OOSP1: variants seen among roughly 807,000 people sequenced by gnomAD.
The protein encoded by OOSP1 is putative oocyte-secreted protein 1 homolog.
OOSP1 carries 11 observed loss-of-function variants against 5.7 expected under a neutral mutation model. That is an observed-to-expected ratio of 1.94 (90% CI 1.22 to 3.20). OOSP1 has a LOEUF of 3.20. Ranked by LOEUF, OOSP1 falls within the 30% of genes most tolerant of loss-of-function variation. The probability of loss-of-function intolerance (pLI) is 0.00; values close to 1 mark genes in which losing one functional copy is unlikely to be tolerated. For synonymous variants in OOSP1, 44 were observed against 20.0 expected (o/e 2.20, Z -3.20); for missense variants, 83 against 54.1 (o/e 1.53, Z -1.67).
chr11:59,955,224 A>G (rs911989967), intron 4 of OOSP1, among the ~76,000 whole-genome samples: 2 of 152,180 alleles, frequency 1.3e-5, no homozygotes, highest in African/African-American at 4.8e-5. Context: ...GAATGTGCTT[A>G]TTAAAGCATT....
chr11:59,944,765 G>A (rs564272102), intron 2 of OOSP1, among the ~76,000 whole-genome samples: 10 of 151,962 alleles, frequency 6.6e-5, no homozygotes, highest in Non-Finnish European at 1.2e-4. Flanking sequence ...GTTTAAACAC[G>A]GTTTCCAAGG....
At chr11:59,947,962 A>G (rs879538125) in intron 4 of OOSP1, 100 bp downstream of exon 4, 5 of 396,048 alleles carry the variant, frequency 1.3e-5, no homozygotes, top group Non-Finnish European at 2.2e-5. Context: ...ATTTGTGTTA[A>G]GGTGCATTGT....
chr11:59,945,690 G>A (rs1181449167), intron 3 of OOSP1, among the ~76,000 whole-genome samples: 1 of 137,476 alleles, frequency 7.3e-6, no homozygotes, highest in African/African-American at 2.7e-5. Flanking sequence ...GGCAGAGCTT[G>A]CAGTGAGCTG....
At chr11:59,954,173 G>A (rs1430716340) in intron 4 of OOSP1, among the ~76,000 whole-genome samples, 1 of 152,126 alleles carries the variant, frequency 6.6e-6, no homozygotes, top group Non-Finnish European at 1.5e-5. Flanking sequence ...GTATAGAGAA[G>A]CTCCATTATA....
chr11:59,939,152 T>C (rs1853799710), intron 1 of OOSP1, among the ~76,000 whole-genome samples: 1 of 151,994 alleles, frequency 6.6e-6, no homozygotes, highest in Non-Finnish European at 1.5e-5. Context: ...TTTCCTTTCT[T>C]TCTCTCCTCC....
At chr11:59,949,486 T>TATA (rs1158875874) in intron 4 of OOSP1, among the ~76,000 whole-genome samples, 1 of 150,936 alleles carries the variant, frequency 6.6e-6, no homozygotes, top group African/African-American at 2.4e-5. Context: ...AAACTTAAAG[T>TATA]ATAATAATAA....
intron 4 of OOSP1, among the ~76,000 whole-genome samples, chr11:59,953,712 G>T (rs1853962457): frequency 6.6e-6 from 1 of 152,146 alleles, no homozygotes; most frequent in Non-Finnish European, 1.5e-5. Flanking sequence ...AGCTGCCTCA[G>T]AGAAGGTCCT....
chr11:59,946,166 A>G (rs1435383695), intron 3 of OOSP1, among the ~76,000 whole-genome samples: 1 of 152,146 alleles, frequency 6.6e-6, no homozygotes, highest in Non-Finnish European at 1.5e-5. Context: ...CTCTCAGATT[A>G]GTAGTGGCAT....
chr11:59,947,705 G>C (rs1853900156), intron 3 of OOSP1, 28 bp from the exon 4 acceptor site: 1 of 398,084 alleles, frequency 2.5e-6, no homozygotes, highest in Admixed American at 4.4e-5. Flanking sequence ...ACCACTATGT[G>C]ATATTTTTCT....
chr11:59,949,110 C>T (rs1853914886), intron 4 of OOSP1: 1 of 204,966 alleles, frequency 4.9e-6, no homozygotes. Flanking sequence ...TTTAAGGGTA[C>T]AGTTACTAAC....
At chr11:59,943,963 C>T (rs1024593159) in intron 2 of OOSP1, among the ~76,000 whole-genome samples, 2 of 152,010 alleles carry the variant, frequency 1.3e-5, no homozygotes, top group Non-Finnish European at 2.9e-5. Flanking sequence ...GATTGGGTAA[C>T]ACAGAAAGCA....
chr11:59,943,787 G>A (rs1853854962), intron 2 of OOSP1, among the ~76,000 whole-genome samples: 1 of 152,146 alleles, frequency 6.6e-6, no homozygotes, highest in Non-Finnish European at 1.5e-5. Flanking sequence ...GGTTAACTAA[G>A]TCATTGTGCA....
chr11:59,949,500 A>T (rs1853918597), intron 4 of OOSP1, among the ~76,000 whole-genome samples: 1 of 151,840 alleles, frequency 6.6e-6, no homozygotes, highest in East Asian at 1.9e-4. Flanking sequence ...ATAATAATAA[A>T]ATTAAAAAAA....
chr11:59,944,212 G>T (rs757447827), intron 2 of OOSP1, among the ~76,000 whole-genome samples: 4 of 152,050 alleles, frequency 2.6e-5, no homozygotes, highest in Non-Finnish European at 5.9e-5. Flanking sequence ...TCCTGGAGGG[G>T]GTGAGAGCTG....
Position 59,949,258 on chromosome 11 carries a change from C to CA in OOSP1, c.486+1402dup, listed in dbSNP as rs1313773090. On this transcript the variant is annotated intron_variant, in intron 4 of 4. Coordinates refer to ENST00000646685, the Ensembl canonical transcript of OOSP1. The stretch of plus-strand genomic sequence containing the variant: ...TTAGTAGGAGGAGGCAGAGTATACA[C>CA]AAAAAACATACTCTATGGTATTTTA... 1.2e-4 allele frequency among the ~76,000 whole-genome samples: 18 copies of CA among 152,030 alleles called. No individual in the cohort carries two copies. In the East Asian group the frequency reaches 3.5e-3, roughly 29 times the overall value.
intron 4 of OOSP1, among the ~76,000 whole-genome samples, chr11:59,953,096 A>G (rs1590894280): frequency 6.6e-6 from 1 of 152,150 alleles, no homozygotes. Context: ...CATTTCCTCC[A>G]GTGAGTTTGA....
At chr11:59,946,086 GC>G (rs376206321) in intron 3 of OOSP1, among the ~76,000 whole-genome samples, 1 of 152,260 alleles carries the variant, frequency 6.6e-6, no homozygotes, top group African/African-American at 2.4e-5. Context: ...GTGGTCCCTT[GC>G]CTGTCAGGAA....
intron 1 of OOSP1, 125 bp from the exon 2 acceptor site, chr11:59,942,722 C>T (rs1348396279): frequency 1.7e-6 from 1 of 580,062 alleles, no homozygotes; most frequent in Admixed American, 3.1e-5. Flanking sequence ...AACTTGTTCA[C>T]CTCTTAAGAC....
chr11:59,945,254 G>A (rs1320647057), exon 3 of OOSP1: 1 of 702,876 alleles, frequency 1.4e-6, no homozygotes, highest in African/African-American at 1.7e-5. Context: ...CCTCTGTCGT[G>A]TGTCGTCCAC....
Sources: allele counts gnomAD v4.1 joint callset (sites outside exome capture counted in the v4.1 genomes callset), GRCh38; gene constraint gnomAD v4.1.1; transcripts MANE v1.5; gene names NCBI Gene and HGNC (gene_info 2026-07-23, HGNC 2026-07-21).